HDAC9: variants seen among roughly 807,000 people sequenced by gnomAD.
HDAC9 encodes MEF-2 interacting transcription repressor (MITR) protein.
A neutral mutation model predicts 139.4 loss-of-function variants in HDAC9; 41 were observed. That is an observed-to-expected ratio of 0.29 (90% CI 0.23 to 0.38). The LOEUF is 0.38. Among genes scored for constraint, HDAC9 ranks in the 10% least tolerant of loss-of-function variants. The pLI, the probability that HDAC9 is intolerant of heterozygous loss-of-function variation, is 1.00. For missense variants in HDAC9, 1,147 were observed against 1,297.0 expected (o/e 0.88, Z 1.78); for synonymous variants, 517 against 476.2 (o/e 1.09, Z -1.12).
At chr7:18,471,285 G>A (rs899583903) in intron 1 of HDAC9, among the ~76,000 whole-genome samples, 3 of 152,126 alleles carry the variant, frequency 2.0e-5, no homozygotes, top group Admixed American at 6.5e-5. Context: ...ATACAGTGAT[G>A]GCCTGAATCC....
At chr7:18,890,038 C>G (rs1800540869) in intron 22 of HDAC9, among the ~76,000 whole-genome samples, 1 of 152,204 alleles carries the variant, frequency 6.6e-6, no homozygotes, top group Non-Finnish European at 1.5e-5. Flanking sequence ...GGGCAACTTA[C>G]TTTCCCTTTT....
intron 17 of HDAC9, among the ~76,000 whole-genome samples, chr7:18,807,392 T>G (rs913365700): frequency 1.3e-5 from 2 of 152,154 alleles, no homozygotes; most frequent in Non-Finnish European, 2.9e-5. Context: ...TGAAACCAAC[T>G]GTTTTGTTGA....
chr7:18,112,412 A>C (rs1310259821), intron 1 of HDAC9, among the ~76,000 whole-genome samples: 2 of 108,926 alleles, frequency 1.8e-5, no homozygotes, highest in Admixed American at 8.9e-5. Context: ...GAATGGCACA[A>C]AAAAATCGAG....
At chr7:18,200,878 G>A (rs1400750786) in intron 2 of HDAC9, among the ~76,000 whole-genome samples, 1 of 152,116 alleles carries the variant, frequency 6.6e-6, no homozygotes, top group Non-Finnish European at 1.5e-5. Flanking sequence ...AGATGGCTCT[G>A]GCTCTTGGCT....
At chr7:18,799,327 C>T (rs1032496750) in intron 17 of HDAC9, among the ~76,000 whole-genome samples, 10 of 152,088 alleles carry the variant, frequency 6.6e-5, no homozygotes, top group Non-Finnish European at 1.2e-4. Flanking sequence ...CTAGTTTTAC[C>T]ATACTGTTTT....
intron 6 of HDAC9, among the ~76,000 whole-genome samples, chr7:18,609,236 A>G (rs143385417): frequency 1.1e-3 from 160 of 152,334 alleles, no homozygotes; most frequent in African/African-American, 3.8e-3. Flanking sequence ...GGTTCAATTC[A>G]GTAGGCACTA....
intron 1 of HDAC9, among the ~76,000 whole-genome samples, chr7:18,447,757 A>G (rs1464282181): frequency 6.6e-6 from 1 of 152,184 alleles, no homozygotes; most frequent in Non-Finnish European, 1.5e-5. Flanking sequence ...GAAATCTATG[A>G]ATTTGATTGC....
intron 25 of HDAC9, among the ~76,000 whole-genome samples, chr7:18,993,853 C>T (rs1162019731): frequency 6.6e-6 from 1 of 151,958 alleles, no homozygotes. Flanking sequence ...GTTAATTATG[C>T]ATATGTGTAG....
At chr7:18,364,916 G>A (rs978076721) in intron 1 of HDAC9, among the ~76,000 whole-genome samples, 33 of 152,096 alleles carry the variant, frequency 2.2e-4, no homozygotes, top group African/African-American at 6.8e-4. Context: ...GAATCGAAGG[G>A]AAATTTATTT....
At chr7:18,738,812 G>T (rs902255715) in intron 13 of HDAC9, among the ~76,000 whole-genome samples, 3 of 152,198 alleles carry the variant, frequency 2.0e-5, no homozygotes, top group Non-Finnish European at 4.4e-5. Flanking sequence ...GGCCTGCCTT[G>T]TGAGGTTGGG....
chr7:18,551,950 T>G (rs569301381), intron 2 of HDAC9, among the ~76,000 whole-genome samples: 92 of 152,354 alleles, frequency 6.0e-4, no homozygotes, highest in South Asian at 1.0e-3. Context: ...GCATCTTATC[T>G]TTATTATGAT....
chr7:18,429,223 A>G (rs1186137129), intron 1 of HDAC9: 1 of 152,220 alleles, frequency 6.6e-6, no homozygotes, highest in Non-Finnish European at 1.5e-5. Flanking sequence ...CCAAATGTCT[A>G]CCATGATATG....
intron 13 of HDAC9, among the ~76,000 whole-genome samples, chr7:18,739,907 G>A (rs937327185): frequency 6.6e-6 from 1 of 152,202 alleles, no homozygotes; most frequent in African/African-American, 2.4e-5. Flanking sequence ...GCCTTGCTGA[G>A]CTGCAGTGGG....
At chr7:18,562,167 T>C (rs973284243) in intron 2 of HDAC9, among the ~76,000 whole-genome samples, 3 of 152,160 alleles carry the variant, frequency 2.0e-5, no homozygotes, top group Non-Finnish European at 4.4e-5. Context: ...TTTGTCTGTT[T>C]TTTAATTGGG....
At chr7:18,138,854 G>A (rs1474294949) in intron 1 of HDAC9, among the ~76,000 whole-genome samples, 2 of 152,060 alleles carry the variant, frequency 1.3e-5, no homozygotes, top group African/African-American at 4.8e-5. Context: ...TCAATTCAGA[G>A]TACTGGATTC....
At chr7:18,618,985 A>T (rs1839472009) in intron 6 of HDAC9, among the ~76,000 whole-genome samples, 1 of 152,032 alleles carries the variant, frequency 6.6e-6, no homozygotes, top group East Asian at 1.9e-4. Flanking sequence ...TGGATTGAAG[A>T]CTGAAACATG....
chr7:18,458,061 A>T (rs2128107490), intron 1 of HDAC9, among the ~76,000 whole-genome samples: 1 of 152,258 alleles, frequency 6.6e-6, no homozygotes, highest in African/African-American at 2.4e-5. Context: ...TATTTGTTGT[A>T]TTGTGACATT....
chr7:18,232,404 A>G (rs141171316), intron 2 of HDAC9, among the ~76,000 whole-genome samples: 1 of 152,286 alleles, frequency 6.6e-6, no homozygotes, highest in African/African-American at 2.4e-5. Context: ...GTTTGTCCCA[A>G]GCCTCCACAT....
chr7:18,248,998 C>T (rs1306994694), intron 2 of HDAC9, among the ~76,000 whole-genome samples: 3 of 152,174 alleles, frequency 2.0e-5, no homozygotes, highest in Non-Finnish European at 4.4e-5. Context: ...ACTTACTTTT[C>T]TGGCTTTTTA....
Sources: gnomAD v4.1 joint callset for allele counts (sites outside exome capture counted in the v4.1 genomes callset) on GRCh38, gnomAD v4.1.1 for gene constraint, MANE v1.5 for transcripts, NCBI Gene and HGNC (gene_info 2026-07-23, HGNC 2026-07-21) for gene names.